INTS2: variants seen among roughly 807,000 people sequenced by gnomAD.
INTS2 encodes the protein KIAA1287.
INTS2 carries 57 observed loss-of-function variants against 139.6 expected under a neutral mutation model. That is an observed-to-expected ratio of 0.41 (90% confidence interval 0.33 to 0.51). The LOEUF is 0.51. Among genes scored for constraint, INTS2 ranks in the 20% least tolerant of loss-of-function variants. INTS2 has a pLI of 0.28. For synonymous variants in INTS2, 473 were observed against 493.4 expected (o/e 0.96, Z 0.55); for missense variants, 1,196 against 1,436.7 (o/e 0.83, Z 2.71).
rs910094666 is a variant in INTS2 at position 61,866,209 on chromosome 17, A to G, written c.*1348T>C. On this transcript the variant is annotated 3_prime_UTR_variant, in exon 25 of 25. Transcript: ENST00000251334. The stretch of plus-strand genomic sequence containing the variant: ...GCAAACCCCCGTCTTTACTAAAAAT[A>G]CAAAAATACAGGTGGCGCGTGCCTG... 6.6e-6 allele frequency: 1 copy of G among 152,042 alleles called. No homozygotes were observed. Among genetic ancestry groups the G allele is most frequent in the Non-Finnish European group, 1.5e-5 (1 of 68,024 alleles). The allele number at this position is 152,042 out of a possible 1,614,324, so 9.4% of individuals were successfully genotyped here.
At chr17:61,917,961 A>C (rs1285635566) in intron 5 of INTS2, among the ~76,000 whole-genome samples, 1 of 152,208 alleles carries the variant, frequency 6.6e-6, no homozygotes, top group Admixed American at 6.5e-5. Flanking sequence ...ATTCATCATA[A>C]AGATATAATC....
In INTS2 at chr17:61,889,869, C is replaced by G; in HGVS notation, c.1901G>C (p.Arg634Pro). The G allele has an allele frequency of 1.9e-6, 3 of 1,610,578 alleles. No homozygotes were observed. The highest frequency in any genetic ancestry group is 2.5e-6 in the Non-Finnish European group (3 of 1,177,602). The change falls in exon 15 of 25, where the codon CGT (arginine) becomes CCT (proline). Residue 634 changes from arginine to proline, a missense_variant. Physicochemically the swap from Arg to Pro is moderately radical, Grantham distance 103. Transcript: ENST00000251334. The stretch of plus-strand genomic sequence containing the variant: ...CAAAAGCTGTGCTGTGATACTGAAA[C>G]GCTGATTAAGGCGGATGTTGTCACC... ...IGGDNIRLNQ[R>P]FSITAQLLVL...
rs1297635913 is a variant in INTS2 at position 61,873,331 on chromosome 17, C to T, written c.2583-871G>A. ...TTAAGCCCAGGAGTTCAAGACCAGC[C>T]TGGACAACATAGCAAGACCCCCAAC... is the stretch of plus-strand genomic sequence containing the variant. On this transcript the variant is annotated intron_variant, in intron 19 of 24. Coordinates refer to ENST00000251334, the MANE Select transcript of INTS2 (RefSeq NM_001351695.2). This position sits in a 1 kb window ranked among gnomAD's most constrained non-coding sequence, Gnocchi z 4.0. 6.6e-6 allele frequency among the ~76,000 whole-genome samples: 1 copy of T among 151,978 alleles called. No homozygotes were observed. The highest frequency in any genetic ancestry group is 2.4e-5 in the African/African-American group (1 of 41,348).
Position 61,869,327 on chromosome 17 carries a change from G to A in INTS2, c.3084C>T (p.His1028=), listed in dbSNP as rs764077404. The change falls in exon 22 of 25, where the codon CAC becomes CAT. Residue 1028 remains histidine, a synonymous_variant. Coordinates refer to ENST00000251334, the MANE Select transcript of INTS2 (RefSeq NM_001351695.2). This position sits in a 1 kb window ranked among gnomAD's most constrained non-coding sequence, Gnocchi z 5.4. ...PLTVAGIPSM[H]ICLDFIPELI... ...GCTCAGGTATGAAATCTAGACAGAT[G>A]TGCATAGATGGAATACCTGCGACCG... 1 of 1,608,088 alleles carries A rather than the reference G, an allele frequency of 6.2e-7. No homozygotes were observed. The highest frequency in any genetic ancestry group is 2.2e-5 in the East Asian group (1 of 44,692).
intron 3 of INTS2, among the ~76,000 whole-genome samples, chr17:61,922,525 T>C (rs1305622119): frequency 1.3e-5 from 1 of 78,622 alleles, no homozygotes; most frequent in Non-Finnish European, 2.4e-5. Flanking sequence ...TATATATATA[T>C]ATATATATAT....
Position 61,919,451 on chromosome 17 carries a change from C to A in INTS2, c.598G>T (p.Ala200Ser). ...GCCACCAAGAGACACAAGAACCAGGCACCATTTCTAACATGTAGCAAAGCT... is the reference window on the plus strand; with the variant it reads ...GCCACCAAGAGACACAAGAACCAGGAACCATTTCTAACATGTAGCAAAGCT... ...AEALLHVRNGAWFLCLLVANV... is the reference protein window; with the variant it reads ...AEALLHVRNGSWFLCLLVANV... Residue 200 changes from alanine to serine, a missense_variant, in exon 5 of 25, where the codon GCC becomes TCC. Around this residue, in one of 3 missense-constraint regions of INTS2, gnomAD observed 1,129 missense variants for 1,341.9 expected, o/e 0.84. Coordinates refer to ENST00000251334, the MANE Select transcript of INTS2 (RefSeq NM_001351695.2). The A allele has an allele frequency of 6.2e-7, 1 of 1,603,192 alleles. No homozygotes were observed. Among genetic ancestry groups the A allele is most frequent in the Non-Finnish European group, 8.5e-7 (1 of 1,174,320 alleles).
intron 1 of INTS2, among the ~76,000 whole-genome samples, chr17:61,926,867 T>C (rs1296227760): frequency 1.3e-5 from 2 of 152,188 alleles, no homozygotes; most frequent in African/African-American, 4.8e-5. Context: ...AGTATATTAA[T>C]GTCTCTTCCA....
In INTS2 at chr17:61,909,388, C is replaced by T. The variant is rs1376528514; in HGVS notation, c.955-1754G>A. Among the ~76,000 whole-genome samples the T allele has an allele frequency of 3.9e-5, 6 of 152,184 alleles. No individual in the cohort carries two copies. Among genetic ancestry groups the T allele is most frequent in the Non-Finnish European group, 5.9e-5 (4 of 68,032 alleles). On this transcript the variant is annotated intron_variant, in intron 7 of 24. Transcript: ENST00000251334. This position sits in a 1 kb window ranked among gnomAD's most constrained non-coding sequence, Gnocchi z 4.9. ...CCTCCCAAAGTGCTGGGATTACAGGCGTAAGCCACCCCACCCAGCCCTTAC... is the reference window on the plus strand; with the variant it reads ...CCTCCCAAAGTGCTGGGATTACAGGTGTAAGCCACCCCACCCAGCCCTTAC...
chr17:61,888,564 C>CGTGCGTGCGTGCGTGT (rs755542102), intron 15 of INTS2, among the ~76,000 whole-genome samples: 2 of 119,596 alleles, frequency 1.7e-5, no homozygotes, highest in African/African-American at 5.7e-5. Context: ...TGTGTGCGTG[C>CGTGCGTGCGTGCGTGT]GTGTGTGTGT....
intron 2 of INTS2, 37 bp downstream of exon 2, chr17:61,926,315 C>A: frequency 1.3e-6 from 2 of 1,482,836 alleles, no homozygotes; most frequent in South Asian, 2.7e-5. Context: ...TGTTCTTTGT[C>A]AAATCCAAAT....
chr17:61,906,260 C>T (rs1000536066), intron 8 of INTS2, among the ~76,000 whole-genome samples: 4 of 152,148 alleles, frequency 2.6e-5, no homozygotes, highest in African/African-American at 9.7e-5. Flanking sequence ...GTTAGGGATG[C>T]TAAATCGGTA....
intron 5 of INTS2, among the ~76,000 whole-genome samples, chr17:61,912,440 T>C (rs549861384): frequency 2.2e-4 from 31 of 143,190 alleles, no homozygotes; most frequent in Middle Eastern, 3.8e-3. Context: ...CTGGCCAACA[T>C]GGTGAAACCC....
chr17:61,918,820 A>G (rs2079608402), intron 5 of INTS2, among the ~76,000 whole-genome samples: 1 of 151,848 alleles, frequency 6.6e-6, no homozygotes, highest in South Asian at 2.1e-4. Context: ...GATTCCTAGC[A>G]TTTCTCATTA....
intron 5 of INTS2, among the ~76,000 whole-genome samples, chr17:61,918,413 T>C (rs567047781): frequency 6.6e-6 from 1 of 152,222 alleles, no homozygotes; most frequent in South Asian, 2.1e-4. Context: ...AGCTAATTTT[T>C]GTATTTTTAG....
rs780395195 is a variant in INTS2, at chr17:61,927,947, C to A, written c.-312G>T. 1.2e-6 allele frequency: 2 copies of A among 1,613,986 alleles called. No individual in the cohort carries two copies. Among genetic ancestry groups the A allele is most frequent in the South Asian group, 2.2e-5 (2 of 91,078 alleles). ...CTGCACCCAGCACCTTCATTCATCC[C>A]CAGCGTCTGACTCCCGTCGGCCACC... On this transcript the variant is annotated 5_prime_UTR_variant, in exon 1 of 25. Coordinates refer to ENST00000251334, the MANE Select transcript of INTS2 (RefSeq NM_001351695.2).
intron 3 of INTS2, among the ~76,000 whole-genome samples, chr17:61,924,108 G>A (rs1452607663): frequency 6.6e-6 from 1 of 152,124 alleles, no homozygotes; most frequent in East Asian, 1.9e-4. Flanking sequence ...GAAGCACTTT[G>A]GTCATTTAGT....
At chr17:61,913,847 T>C (rs2079551182) in intron 5 of INTS2, among the ~76,000 whole-genome samples, 1 of 152,164 alleles carries the variant, frequency 6.6e-6, no homozygotes. Context: ...AAATAGTATT[T>C]TCCTCTATAT....
intron 15 of INTS2, among the ~76,000 whole-genome samples, chr17:61,889,523 C>T (rs1199641207): frequency 6.6e-6 from 1 of 152,120 alleles, no homozygotes; most frequent in Non-Finnish European, 1.5e-5. Flanking sequence ...GTGAACAAGA[C>T]CTATACAATT....
Position 61,873,775 on chromosome 17 carries a change from A to G in INTS2, c.2582+1138T>C, listed in dbSNP as rs2079107263. ...CAAGTTTAAATATCAAGTGTGTCCTATTTAGTCTTCCTTACTAGTTTCTCT... is the reference window on the plus strand; with the variant it reads ...CAAGTTTAAATATCAAGTGTGTCCTGTTTAGTCTTCCTTACTAGTTTCTCT... On this transcript the variant is annotated intron_variant, in intron 19 of 24. Coordinates refer to ENST00000251334, the MANE Select transcript of INTS2 (RefSeq NM_001351695.2). This position sits in a 1 kb window ranked among gnomAD's most constrained non-coding sequence, Gnocchi z 4.0. Among the ~76,000 whole-genome samples the G allele has an allele frequency of 6.6e-6, 1 of 152,134 alleles. No homozygotes were observed. Among genetic ancestry groups the G allele is most frequent in the African/African-American group, 2.4e-5 (1 of 41,420 alleles).
Sources: gnomAD v4.1 joint callset for allele counts (sites outside exome capture counted in the v4.1 genomes callset) on GRCh38, gnomAD v4.1.1 for gene constraint, gnomAD v4.1.1 regional missense constraint, Gnocchi (gnomAD v3.1) non-coding constraint, MANE v1.5 for transcripts, NCBI Gene and HGNC (gene_info 2026-07-23, HGNC 2026-07-21) for gene names.